Variants in LRRTM4 observed in about 807,000 individuals in gnomAD.
The protein encoded by LRRTM4 is leucine rich repeat transmembrane neuronal 4.
LRRTM4 carries 25 observed loss-of-function variants against 47.6 expected under a neutral mutation model. The observed-to-expected ratio is 0.53, with a 90% confidence interval of 0.38 to 0.73. The LOEUF is 0.73. LRRTM4 is among the 30% of genes least tolerant of loss of function. The probability of loss-of-function intolerance (pLI) is 0.00; values close to 1 mark genes in which losing one functional copy is unlikely to be tolerated. For synonymous variants in LRRTM4, 311 were observed against 269.5 expected, an observed-to-expected ratio of 1.15 and a Z score of -1.51; for missense variants, 638 against 713.4, an observed-to-expected ratio of 0.89 and a Z score of 1.20.
At chr2:76,980,660 G>T (rs1042282785) in intron 3 of LRRTM4, among the ~76,000 whole-genome samples, 1 of 151,908 alleles carries the variant, frequency 6.6e-6, no homozygotes, top group Admixed American at 6.6e-5. Context: ...AGTCAGCAGT[G>T]GGGTGGGGTG....
At chr2:76,771,305 C>T (rs1292594337) in intron 3 of LRRTM4, among the ~76,000 whole-genome samples, 1 of 152,110 alleles carries the variant, frequency 6.6e-6, no homozygotes, top group Non-Finnish European at 1.5e-5. Flanking sequence ...GTCCCATGAC[C>T]TTAGAGGGTT....
intron 3 of LRRTM4, among the ~76,000 whole-genome samples, chr2:76,794,046 G>C (rs540789157): frequency 6.6e-6 from 1 of 152,294 alleles, no homozygotes; most frequent in Admixed American, 6.5e-5. Flanking sequence ...GGCTAGGGAA[G>C]TCCAACCAGG....
At chr2:76,827,337 G>A (rs749489174) in intron 3 of LRRTM4, among the ~76,000 whole-genome samples, 1 of 151,686 alleles carries the variant, frequency 6.6e-6, no homozygotes, top group Non-Finnish European at 1.5e-5. Context: ...TAAAGAGAAG[G>A]GTCAAACGCC....
chr2:76,982,740 C>T (rs2103969873), intron 3 of LRRTM4, among the ~76,000 whole-genome samples: 1 of 151,882 alleles, frequency 6.6e-6, no homozygotes, highest in South Asian at 2.1e-4. Context: ...AAACCAAATA[C>T]CAGGATAATT....
At chr2:77,070,908 G>T (rs1680133264) in intron 3 of LRRTM4, among the ~76,000 whole-genome samples, 1 of 152,134 alleles carries the variant, frequency 6.6e-6, no homozygotes, top group Non-Finnish European at 1.5e-5. Context: ...GTGAGCCACT[G>T]TGCCTGGCCA....
At chr2:76,807,471 C>CACATATATATAT (rs545039725) in intron 3 of LRRTM4, among the ~76,000 whole-genome samples, 23 of 97,456 alleles carry the variant, frequency 2.4e-4, no homozygotes, top group East Asian at 9.5e-4. Context: ...TATATATATA[C>CACATATATATAT]ATATATATAT....
At chr2:77,242,302 G>C (rs1004756541) in intron 3 of LRRTM4, among the ~76,000 whole-genome samples, 12 of 152,072 alleles carry the variant, frequency 7.9e-5, no homozygotes, top group Non-Finnish European at 1.6e-4. Flanking sequence ...GGTAATAAAA[G>C]CAAAAATAAG....
At chr2:77,124,712 T>G (rs1310622293) in intron 3 of LRRTM4, among the ~76,000 whole-genome samples, 2 of 152,182 alleles carry the variant, frequency 1.3e-5, no homozygotes, top group Non-Finnish European at 2.9e-5. Flanking sequence ...TTTGTATTCC[T>G]CTAGCCATCA....
chr2:77,299,692 C>T (rs1413013950), intron 3 of LRRTM4, among the ~76,000 whole-genome samples: 1 of 152,020 alleles, frequency 6.6e-6, no homozygotes, highest in African/African-American at 2.4e-5. Context: ...GACACACTGA[C>T]ACTCTAAGAA....
At chr2:77,297,243 A>G (rs2104149872) in intron 3 of LRRTM4, among the ~76,000 whole-genome samples, 1 of 152,208 alleles carries the variant, frequency 6.6e-6, no homozygotes, top group East Asian at 1.9e-4. Flanking sequence ...CTCATATTTT[A>G]CTATTTAGAA....
rs112343270 is a variant in LRRTM4, at chr2:77,460,529, C to G, written c.1551+57789G>C. 1.1e-4 allele frequency among the ~76,000 whole-genome samples: 17 copies of G among 152,188 alleles called. 1 individual carries two copies. Among genetic ancestry groups the G allele is most frequent in the African/African-American group, 4.1e-4 (17 of 41,548 alleles). On this transcript the variant is annotated intron_variant, in intron 3 of 3. Coordinates refer to ENST00000409884, the MANE Select transcript of LRRTM4 (RefSeq NM_001134745.3). ...TCCCAGGTGGTTTATTTTCTAAGGT[C>G]ATTTTAGTAATTCCTGACAACCATA...
chr2:76,922,826 C>A (rs1488286831), intron 3 of LRRTM4, among the ~76,000 whole-genome samples: 1 of 152,022 alleles, frequency 6.6e-6, no homozygotes, highest in Non-Finnish European at 1.5e-5. Context: ...TGTAACTATA[C>A]AGGAAGCCAG....
chr2:77,100,574 G>T (rs1171864935), intron 3 of LRRTM4, among the ~76,000 whole-genome samples: 2 of 151,992 alleles, frequency 1.3e-5, no homozygotes, highest in Non-Finnish European at 1.5e-5. Context: ...AAAATAAAAG[G>T]TAGGGTTTCT....
At chr2:76,961,631 G>A (rs556039009) in intron 3 of LRRTM4, among the ~76,000 whole-genome samples, 58 of 151,428 alleles carry the variant, frequency 3.8e-4, no homozygotes, top group Non-Finnish European at 7.1e-4. Flanking sequence ...TAAGAAAGGC[G>A]TTAGATTCCC....
chr2:77,495,898 T>C (rs1373285298), intron 3 of LRRTM4, among the ~76,000 whole-genome samples: 1 of 151,974 alleles, frequency 6.6e-6, no homozygotes, highest in South Asian at 2.1e-4. Context: ...TTTGAAAATG[T>C]GTCAATTTCT....
chr2:77,072,367 T>C (rs1680183590), intron 3 of LRRTM4, among the ~76,000 whole-genome samples: 1 of 152,190 alleles, frequency 6.6e-6, no homozygotes. Context: ...TGTTTTTCAT[T>C]GCAATTGAAA....
chr2:77,348,014 A>G (rs1312392568), intron 3 of LRRTM4, among the ~76,000 whole-genome samples: 1 of 113,906 alleles, frequency 8.8e-6, no homozygotes. Flanking sequence ...AACAATTAAC[A>G]AAACACAAGT....
At chr2:76,981,159 CATTCGTT>C (rs1676594877) in intron 3 of LRRTM4, among the ~76,000 whole-genome samples, 1 of 152,052 alleles carries the variant, frequency 6.6e-6, no homozygotes, top group African/African-American at 2.4e-5. Context: ...AGTGTTCATT[CATTCGTT>C]ATTCAATATT....
chr2:77,402,805 G>A (rs947864994), intron 3 of LRRTM4, among the ~76,000 whole-genome samples: 5 of 151,724 alleles, frequency 3.3e-5, no homozygotes, highest in Non-Finnish European at 5.9e-5. Flanking sequence ...GTCACCCTTG[G>A]TTAACATTTC....
Sources: allele counts gnomAD v4.1 joint callset (sites outside exome capture counted in the v4.1 genomes callset), GRCh38; gene constraint gnomAD v4.1.1; transcripts MANE v1.5; gene names NCBI Gene and HGNC (gene_info 2026-07-23, HGNC 2026-07-21).